The following TTC7B variants were observed in gnomAD, a reference collection of about 807,000 sequenced individuals.
The protein encoded by TTC7B is tetratricopeptide repeat protein 7B.
In TTC7B, 28 loss-of-function variants were observed where a neutral mutation model predicts 106.8. The observed-to-expected ratio is 0.26, with a 90% CI of 0.19 to 0.36. The LOEUF (loss-of-function observed/expected upper bound fraction) is 0.36, where lower values mean the gene tolerates loss of function less well. Among genes scored for constraint, TTC7B ranks in the 10% least tolerant of loss-of-function variants. TTC7B has a pLI of 1.00. For synonymous variants in TTC7B, 405 were observed against 430.6 expected (o/e 0.94, Z 0.74); for missense variants, 862 against 1,076.4 (o/e 0.80, Z 2.79).
At chr14:90,780,680 G>A (rs8011601) in intron 3 of TTC7B, 58 bp downstream of exon 3, 242,761 of 1,562,922 alleles carry the variant, frequency 0.16, 29,704 homozygotes, top group African/African-American at 0.64. Context: ...AGGCAGCTCC[G>A]AAGAGGCGCT....
In TTC7B at chr14:90,560,947, C is replaced by T. The variant is rs114051158; in HGVS notation, c.2310+17159G>A. Among the ~76,000 whole-genome samples the T allele has an allele frequency of 2.6e-5, 4 of 152,200 alleles. No individual in the cohort carries two copies. The East Asian group carries it at 7.7e-4, about 29-fold the overall frequency. ...GCTTGTGGCAGTTCTAATTAGAGAG[C>T]CAATTATAACTCAATTGACCTGCCT... is the stretch of plus-strand genomic sequence containing the variant. On this transcript the variant is annotated intron_variant, in intron 19 of 19. Coordinates refer to ENST00000328459, the MANE Select transcript of TTC7B (RefSeq NM_001010854.2).
intron 3 of TTC7B, among the ~76,000 whole-genome samples, chr14:90,758,977 T>G (rs920352266): frequency 1.3e-5 from 2 of 152,250 alleles, no homozygotes; most frequent in Non-Finnish European, 2.9e-5. Context: ...ATGTATTATA[T>G]TTTTACAATT....
At chr14:90,812,436 C>T (rs1399176172) in intron 1 of TTC7B, among the ~76,000 whole-genome samples, 2 of 152,188 alleles carry the variant, frequency 1.3e-5, no homozygotes, top group Non-Finnish European at 2.9e-5. Flanking sequence ...CAGCTCCAAG[C>T]CAGGGCACCT....
chr14:90,792,211 T>G (rs2140046783), intron 1 of TTC7B, among the ~76,000 whole-genome samples: 1 of 152,286 alleles, frequency 6.6e-6, no homozygotes, highest in East Asian at 1.9e-4. Context: ...TTTGTGTTTC[T>G]CTGATCTCCT....
intron 3 of TTC7B, among the ~76,000 whole-genome samples, chr14:90,779,713 G>A (rs1566883807): frequency 6.6e-6 from 1 of 152,248 alleles, no homozygotes; most frequent in African/African-American, 2.4e-5. Flanking sequence ...TGAAGTGGGT[G>A]TGATTATGCC....
At position 90,526,597 on chromosome 14, in the gene TTC7B, C is replaced by T. The variant is rs1273078191; in HGVS notation, c.*14771G>A. On this transcript the variant is annotated 3_prime_UTR_variant, in exon 20 of 20. Transcript: ENST00000328459. ...CCAAATCTCGTCTTGAATTGTAGTT[C>T]CCATAATCCCCACATGTCATGGGAG... 2.6e-5 allele frequency: 4 copies of T among 152,154 alleles called. No homozygotes were observed. The highest frequency in any genetic ancestry group is 5.9e-5 in the Non-Finnish European group (4 of 68,030). The allele number at this position is 152,154 out of a possible 1,614,324, so 9.4% of individuals were successfully genotyped here.
At chr14:90,694,566 GAC>G (rs1262606335) in intron 6 of TTC7B, among the ~76,000 whole-genome samples, 5 of 120,878 alleles carry the variant, frequency 4.1e-5, no homozygotes, top group African/African-American at 1.5e-4. Flanking sequence ...CAAGCCCAGT[GAC>G]ATATATGTAT....
At chr14:90,778,440 G>A (rs560580922) in intron 3 of TTC7B, among the ~76,000 whole-genome samples, 70 of 152,304 alleles carry the variant, frequency 4.6e-4, no homozygotes, top group Non-Finnish European at 8.1e-4. Context: ...ATCCTAGGAC[G>A]TGGGCTCTGG....
At chr14:90,652,029 T>C (rs1885740698) in intron 13 of TTC7B, among the ~76,000 whole-genome samples, 1 of 152,212 alleles carries the variant, frequency 6.6e-6, no homozygotes, top group Non-Finnish European at 1.5e-5. Flanking sequence ...CATGGGGCTA[T>C]GCTTCCAGAT....
At chr14:90,659,242 A>AGT (rs199576866) in intron 9 of TTC7B, among the ~76,000 whole-genome samples, 7 of 145,042 alleles carry the variant, frequency 4.8e-5, no homozygotes, top group South Asian at 2.1e-4. Flanking sequence ...AGAGAGAGAG[A>AGT]GTGTGTGGAG....
intron 1 of TTC7B, among the ~76,000 whole-genome samples, chr14:90,813,549 C>T (rs555876274): frequency 1.3e-4 from 20 of 152,198 alleles, no homozygotes; most frequent in Non-Finnish European, 2.5e-4. Context: ...ATTTAAATCC[C>T]GTTCTAAAAT....
intron 9 of TTC7B, among the ~76,000 whole-genome samples, chr14:90,671,060 C>T (rs1014759063): frequency 1.3e-5 from 2 of 152,112 alleles, no homozygotes; most frequent in South Asian, 2.1e-4. Flanking sequence ...CAGAAGTCTA[C>T]GGATCCATTT....
At chr14:90,605,733 A>AGAG (rs772806073) in intron 17 of TTC7B, 3 of 1,282,314 alleles carry the variant, frequency 2.3e-6, no homozygotes, top group Non-Finnish European at 3.0e-6. Flanking sequence ...TTGAAAGAGG[A>AGAG]GAGGAGGAGG....
rs888051123 is a variant in TTC7B, at chr14:90,538,865, G to A, written c.*2503C>T. On this transcript the variant is annotated 3_prime_UTR_variant, in exon 20 of 20. Transcript: ENST00000328459. ...GGCCGCAGTGCTCCAGCGGTGACCC[G>A]GGGCCCGGCTCTCTTTCCACCTCCT... is the stretch of plus-strand genomic sequence containing the variant. 4 of 152,132 alleles carry A rather than the reference G, an allele frequency of 2.6e-5. No individual in the cohort carries two copies. Among genetic ancestry groups the A allele is most frequent in the Non-Finnish European group, 4.4e-5 (3 of 68,038 alleles). 9.4% of individuals were successfully genotyped at this position (152,132 alleles called of 1,614,324 possible).
chr14:90,674,621 T>G (rs1886755407), intron 9 of TTC7B, among the ~76,000 whole-genome samples: 1 of 152,256 alleles, frequency 6.6e-6, no homozygotes, highest in African/African-American at 2.4e-5. Flanking sequence ...TCCCTGGCCT[T>G]AATCAGAGCC....
At chr14:90,650,636 C>G (rs892860040) in intron 13 of TTC7B, among the ~76,000 whole-genome samples, 1 of 152,188 alleles carries the variant, frequency 6.6e-6, no homozygotes, top group African/African-American at 2.4e-5. Flanking sequence ...CCTGGAGCAC[C>G]AGGCTTTATG....
At chr14:90,751,205 G>T (rs1353159280) in intron 3 of TTC7B, among the ~76,000 whole-genome samples, 3 of 151,906 alleles carry the variant, frequency 2.0e-5, no homozygotes, top group Admixed American at 6.6e-5. Context: ...GTACAAAAAG[G>T]GTGGAAATTC....
chr14:90,643,490 A>T (rs1332538413), intron 15 of TTC7B, among the ~76,000 whole-genome samples: 1 of 152,188 alleles, frequency 6.6e-6, no homozygotes, highest in Non-Finnish European at 1.5e-5. Context: ...AATGGTACAC[A>T]TTGGGAAAGA....
At chr14:90,655,166 T>G in intron 11 of TTC7B, 56 bp from the exon 12 acceptor site, 102 of 1,271,888 alleles carry the variant, frequency 8.0e-5, no homozygotes, top group Non-Finnish European at 1.0e-4. Flanking sequence ...CTAACATGAG[T>G]TCCCATAAGC....
Sources: allele counts gnomAD v4.1 joint callset (sites outside exome capture counted in the v4.1 genomes callset), GRCh38; gene constraint gnomAD v4.1.1; transcripts MANE v1.5; gene names NCBI Gene and HGNC (gene_info 2026-07-23, HGNC 2026-07-21).